CABP7: variants seen among roughly 807,000 people sequenced by gnomAD.
CABP7 encodes the protein calcium binding protein 7.
CABP7 carries 13 observed loss-of-function variants against 23.1 expected under a neutral mutation model. That is an observed-to-expected ratio of 0.56 (90% confidence interval 0.37 to 0.90). The LOEUF is 0.90. Ranked by LOEUF, CABP7 falls within the 40% of genes least tolerant of loss-of-function variation. The probability of loss-of-function intolerance (pLI) is 0.01; values close to 1 mark genes in which losing one functional copy is unlikely to be tolerated. For synonymous variants in CABP7, 123 were observed against 115.3 expected, an observed-to-expected ratio of 1.07 and a Z score of -0.43; for missense variants, 248 against 295.6, an observed-to-expected ratio of 0.84 and a Z score of 1.18.
chr22:29,731,327 G>A lies in CABP7; in HGVS notation c.*1758G>A, dbSNP rs1161410963. The A allele has an allele frequency of 2.0e-6, 3 of 1,537,140 alleles. No individual in the cohort carries two copies. In the Admixed American group the frequency reaches 7.0e-5, roughly 36 times the overall value. ...CTGGTGGCCAGCCCACGGGGTACTG[G>A]AAGACAGTGGTTCTGATGGGTTCAG... On this transcript the variant is annotated 3_prime_UTR_variant, in exon 5 of 5. Coordinates refer to ENST00000216144, the MANE Select transcript of CABP7 (RefSeq NM_182527.3).
chr22:29,726,890 G>A (rs1288016635), intron 1 of CABP7, among the ~76,000 whole-genome samples: 3 of 152,234 alleles, frequency 2.0e-5, no homozygotes. Context: ...GTGCCAGGGA[G>A]TCCCCACCAT....
Position 29,727,250 on chromosome 22 carries a change from G to A in CABP7, c.110-412G>A, listed in dbSNP as rs1028525758. On this transcript the variant is annotated intron_variant, in intron 1 of 4. Transcript: ENST00000216144. The surrounding 1 kb of genome is among the most constrained non-coding windows in gnomAD (Gnocchi z 4.2). Reference sequence around the variant, plus strand: ...CCGAGCCTGGGGGAGGAGGCGCAGCGGGATGGAGATGGTGGGGGAGAGGGG... The same window carrying A: ...CCGAGCCTGGGGGAGGAGGCGCAGCAGGATGGAGATGGTGGGGGAGAGGGG... 1.2e-4 allele frequency among the ~76,000 whole-genome samples: 18 copies of A among 151,932 alleles called. No homozygotes were observed. Among genetic ancestry groups the A allele is most frequent in the African/African-American group, 3.4e-4 (14 of 41,428 alleles).
At chr22:29,728,583 A>C (rs758742605) in intron 2 of CABP7, 47 bp from the exon 3 acceptor site, 4 of 1,253,574 alleles carry the variant, frequency 3.2e-6, no homozygotes, top group Non-Finnish European at 4.7e-6. Context: ...CCTGGGCTGC[A>C]GGCCTGGGCC....
intron 1 of CABP7, among the ~76,000 whole-genome samples, chr22:29,722,868 A>T (rs1450272420): frequency 6.6e-6 from 1 of 152,250 alleles, no homozygotes; most frequent in Admixed American, 6.5e-5. Flanking sequence ...CTGCCGCAGA[A>T]ATCCAGGGGG....
intron 1 of CABP7, among the ~76,000 whole-genome samples, chr22:29,723,917 T>C (rs987629922): frequency 6.6e-6 from 1 of 152,044 alleles, no homozygotes; most frequent in Non-Finnish European, 1.5e-5. Context: ...TGGGCCCTGA[T>C]GAAACTCCAC....
At chr22:29,721,487 C>G (rs2067761724) in intron 1 of CABP7, among the ~76,000 whole-genome samples, 2 of 152,098 alleles carry the variant, frequency 1.3e-5, no homozygotes, top group African/African-American at 4.8e-5. Flanking sequence ...ATCTGCATGT[C>G]TGCTGTTGCA....
At position 29,720,271 on chromosome 22, in the gene CABP7, AG is replaced by A. The variant is rs1006971106; in HGVS notation, c.-152del. The A allele has an allele frequency of 6.5e-6, 1 of 153,986 alleles. No homozygotes were observed. The highest frequency in any genetic ancestry group is 2.5e-5 in the African/African-American group (1 of 39,530). The allele number at this position is 153,986 out of a possible 1,614,324, so 9.5% of individuals were successfully genotyped here. A position where few individuals can be genotyped will look rare whatever the true frequency, so the allele number is the denominator to read the frequency against. ...CGGCGGCCCGGGGCGCGGGGGCGCT[AG>A]GCCCCCGGAGGGGCGTCCCCAGCCT... On this transcript the variant is annotated 5_prime_UTR_variant, in exon 1 of 5. Transcript: ENST00000216144. The surrounding 1 kb of genome is among the most constrained non-coding windows in gnomAD (Gnocchi z 5.2).
Position 29,727,617 on chromosome 22 carries a change from T to C in CABP7, c.110-45T>C. 1 of 1,611,360 alleles carries C rather than the reference T, an allele frequency of 6.2e-7. No individual in the cohort carries two copies. Among genetic ancestry groups the C allele is most frequent in the Non-Finnish European group, 8.5e-7 (1 of 1,178,640 alleles). ...CCTGGGGGTCTGGAAAGGGGGTCTG[T>C]TGGGGACCGGGGTGAAGTCCCAGCC... On this transcript the variant is annotated intron_variant, in intron 1 of 4. Coordinates refer to ENST00000216144, the MANE Select transcript of CABP7 (RefSeq NM_182527.3). This position sits in a 1 kb window ranked among gnomAD's most constrained non-coding sequence, Gnocchi z 4.2.
intron 4 of CABP7, 66 bp from the exon 5 acceptor site, chr22:29,729,376 G>A (rs966191156): frequency 5.7e-6 from 9 of 1,590,200 alleles, no homozygotes; most frequent in South Asian, 4.5e-5. Context: ...AAGGGCAGGC[G>A]GCTCCTGACT....
intron 1 of CABP7, among the ~76,000 whole-genome samples, chr22:29,725,197 C>T (rs1377098291): frequency 2.0e-5 from 3 of 152,004 alleles, no homozygotes; most frequent in African/African-American, 7.2e-5. Flanking sequence ...ACGGGTGGCC[C>T]GCAGGCAGGT....
rs991332586 is a variant in CABP7, at chr22:29,731,121, G to A, written c.*1552G>A. 3.1e-6 allele frequency: 4 copies of A among 1,271,380 alleles called. No individual in the cohort carries two copies. In the African/African-American group the frequency reaches 6.2e-5, roughly 20 times the overall value. 78.8% of individuals were successfully genotyped at this position (1,271,380 alleles called of 1,614,324 possible). On this transcript the variant is annotated 3_prime_UTR_variant, in exon 5 of 5. Transcript: ENST00000216144. The stretch of plus-strand genomic sequence containing the variant: ...TCCTGAGCCTCAGTGAGGCTGGGCA[G>A]ATGGTCTCGGAGCCTCCATGGGGCG...
At chr22:29,728,952 GCCC>G in intron 3 of CABP7, 100 bp from the exon 4 acceptor site, 1 of 1,432,688 alleles carries the variant, frequency 7.0e-7, no homozygotes, top group Non-Finnish European at 9.6e-7. Context: ...GTGTTTTCCA[GCCC>G]CCCAGAATCT....
intron 1 of CABP7, among the ~76,000 whole-genome samples, chr22:29,721,511 A>G (rs1325928921): frequency 6.6e-6 from 1 of 151,882 alleles, no homozygotes; most frequent in Non-Finnish European, 1.5e-5. Context: ...GGCTGAGCTC[A>G]CCCAGAGGAT....
chr22:29,731,536 A>G lies in CABP7; in HGVS notation c.*1967A>G, dbSNP rs1601711387. ...TGAGCCAGCGACCTCACCTCTAGGAACTGAGCCCAAGGAAATAGCGGGGTT... is the reference window on the plus strand; with the variant it reads ...TGAGCCAGCGACCTCACCTCTAGGAGCTGAGCCCAAGGAAATAGCGGGGTT... On this transcript the variant is annotated 3_prime_UTR_variant, in exon 5 of 5. Transcript: ENST00000216144. 2.9e-6 allele frequency: 2 copies of G among 688,012 alleles called. No homozygotes were observed. Among genetic ancestry groups the G allele is most frequent in the East Asian group, 6.9e-5 (2 of 28,838 alleles). 42.6% of individuals were successfully genotyped at this position (688,012 alleles called of 1,614,324 possible). A position where few individuals can be genotyped will look rare whatever the true frequency, so the allele number is the denominator to read the frequency against.
chr22:29,731,472 T>A lies in CABP7; in HGVS notation c.*1903T>A. ...GGGGAGGGTCAGCTGCCTGCATGAC[T>A]TTTCTGGAAGGCAGAGCCTCGAAAA... is the stretch of plus-strand genomic sequence containing the variant. On this transcript the variant is annotated 3_prime_UTR_variant, in exon 5 of 5. Coordinates refer to ENST00000216144, the MANE Select transcript of CABP7 (RefSeq NM_182527.3). The A allele has an allele frequency of 1.4e-6, 2 of 1,379,908 alleles. No homozygotes were observed. Among genetic ancestry groups the A allele is most frequent in the Admixed American group, 7.1e-5 (2 of 28,312 alleles). The allele number at this position is 1,379,908 out of a possible 1,614,324, so 85.5% of individuals were successfully genotyped here. A position where few individuals can be genotyped will look rare whatever the true frequency, so the allele number is the denominator to read the frequency against.
Position 29,729,693 on chromosome 22 carries a change from G to A in CABP7, c.*124G>A. The A allele has an allele frequency of 7.8e-7, 1 of 1,289,780 alleles. No homozygotes were observed. The highest frequency in any genetic ancestry group is 1.1e-6 in the Non-Finnish European group (1 of 944,648). The allele number at this position is 1,289,780 out of a possible 1,614,324, so 79.9% of individuals were successfully genotyped here. A position where few individuals can be genotyped will look rare whatever the true frequency, so the allele number is the denominator to read the frequency against. On this transcript the variant is annotated 3_prime_UTR_variant, in exon 5 of 5. Transcript: ENST00000216144. ...CCATCTGCGTGTACTTCAGGGCCTG[G>A]GTATCCAGCGAGCCCTCCCCACCCA...
At chr22:29,724,835 C>T (rs1446285769) in intron 1 of CABP7, among the ~76,000 whole-genome samples, 2 of 152,204 alleles carry the variant, frequency 1.3e-5, no homozygotes, top group Admixed American at 6.5e-5. Flanking sequence ...TATCGCCTGC[C>T]CGTGCATCCC....
In CABP7 at chr22:29,720,926, C is replaced by A. The variant is rs1601705110; in HGVS notation, c.109+393C>A. ...ATCCTGATCCCCTCCGCGGCGCCCG[C>A]CCGCGGCTCTCTGCTCGCATTGACA... On this transcript the variant is annotated intron_variant, in intron 1 of 4. Transcript: ENST00000216144. The surrounding 1 kb of genome is among the most constrained non-coding windows in gnomAD (Gnocchi z 5.2). 6.6e-6 allele frequency among the ~76,000 whole-genome samples: 1 copy of A among 152,100 alleles called. No individual in the cohort carries two copies. The highest frequency in any genetic ancestry group is 1.5e-5 in the Non-Finnish European group (1 of 67,944).
intron 3 of CABP7, 150 bp downstream of exon 3, chr22:29,728,892 T>A: frequency 9.3e-7 from 1 of 1,071,948 alleles, no homozygotes; most frequent in South Asian, 1.5e-5. Context: ...GGCCATGGGC[T>A]CCCTGGGGAG....
Sources: gnomAD v4.1 joint callset for allele counts (sites outside exome capture counted in the v4.1 genomes callset) on GRCh38, gnomAD v4.1.1 for gene constraint, Gnocchi (gnomAD v3.1) non-coding constraint, MANE v1.5 for transcripts, NCBI Gene and HGNC (gene_info 2026-07-23, HGNC 2026-07-21) for gene names.